Variants in CPQ observed in about 807,000 individuals in gnomAD.
CPQ encodes the protein Ser-Met dipeptidase.
A neutral mutation model predicts 45.7 loss-of-function variants in CPQ; 37 were observed. The ratio of observed to expected loss-of-function variants is 0.81; its 90% CI spans 0.62 to 1.07. CPQ has a LOEUF of 1.07. Ranked by LOEUF, CPQ falls within the 50% of genes least tolerant of loss-of-function variation. The pLI is 0.00. For synonymous variants in CPQ, 186 were observed against 205.8 expected (o/e 0.90, Z 0.82); for missense variants, 537 against 572.9 (o/e 0.94, Z 0.64).
At chr8:97,040,292 T>C (rs572158185) in intron 6 of CPQ, among the ~76,000 whole-genome samples, 26 of 152,310 alleles carry the variant, frequency 1.7e-4, no homozygotes, top group Middle Eastern at 6.8e-3. Context: ...TTTTGAGAAG[T>C]GTCTGTTCAT....
intron 3 of CPQ, 130 bp downstream of exon 3, chr8:96,835,310 C>T (rs951006773): frequency 4.7e-6 from 3 of 636,950 alleles, no homozygotes; most frequent in Non-Finnish European, 7.3e-6. Context: ...CCCCCAAACA[C>T]ACACACCCAT....
chr8:96,964,305 G>A (rs1752998753), intron 4 of CPQ, among the ~76,000 whole-genome samples: 1 of 151,774 alleles, frequency 6.6e-6, no homozygotes, highest in Non-Finnish European at 1.5e-5. Context: ...GTTTTTCCAG[G>A]TGGTTGAATG....
intron 3 of CPQ, among the ~76,000 whole-genome samples, chr8:96,850,589 TTTA>T (rs376798093): frequency 1.0e-3 from 116 of 116,182 alleles, no homozygotes; most frequent in South Asian, 5.7e-3. Context: ...TTTTATTTTA[TTTA>T]TTTATTTATT....
chr8:96,872,659 A>G (rs1812087286), intron 3 of CPQ, among the ~76,000 whole-genome samples: 1 of 151,900 alleles, frequency 6.6e-6, no homozygotes, highest in Non-Finnish European at 1.5e-5. Flanking sequence ...TGGTGGTTGT[A>G]TTAGTCAGGA....
intron 4 of CPQ, among the ~76,000 whole-genome samples, chr8:96,955,963 G>A (rs1813350475): frequency 6.6e-6 from 1 of 152,104 alleles, no homozygotes; most frequent in South Asian, 2.1e-4. Context: ...CATAGGCATG[G>A]GCAAGGACTT....
intron 5 of CPQ, among the ~76,000 whole-genome samples, chr8:96,983,937 G>T (rs1344656459): frequency 6.6e-6 from 1 of 151,546 alleles, no homozygotes; most frequent in African/African-American, 2.4e-5. Flanking sequence ...TAACAGGGAA[G>T]TTTGTCATGT....
At chr8:96,754,088 G>A (rs1810297941) in intron 1 of CPQ, among the ~76,000 whole-genome samples, 1 of 151,912 alleles carries the variant, frequency 6.6e-6, no homozygotes, top group South Asian at 2.1e-4. Context: ...CTGGGTTATT[G>A]TTTTAATATA....
intron 7 of CPQ, among the ~76,000 whole-genome samples, chr8:97,086,317 A>T (rs184769253): frequency 1.6e-3 from 249 of 152,326 alleles, no homozygotes; most frequent in Non-Finnish European, 2.9e-3. Context: ...TATTTATTGA[A>T]GACCATAAGG....
At chr8:96,925,764 A>G (rs1468239338) in intron 4 of CPQ, among the ~76,000 whole-genome samples, 2 of 149,098 alleles carry the variant, frequency 1.3e-5, no homozygotes, top group Non-Finnish European at 3.0e-5. Flanking sequence ...ATCTCAGCTC[A>G]CTGCAACCTC....
intron 4 of CPQ, among the ~76,000 whole-genome samples, chr8:96,930,510 C>T (rs1812959240): frequency 6.6e-6 from 1 of 152,144 alleles, no homozygotes; most frequent in Non-Finnish European, 1.5e-5. Flanking sequence ...TAAATAAATA[C>T]ATATCTGGCA....
intron 5 of CPQ, among the ~76,000 whole-genome samples, chr8:96,979,361 C>G (rs1357322409): frequency 6.6e-6 from 1 of 152,270 alleles, no homozygotes; most frequent in East Asian, 1.9e-4. Context: ...GTAGGGAGAT[C>G]CCAGTTATAC....
At chr8:96,744,299 C>A (rs1810143372) in intron 1 of CPQ, among the ~76,000 whole-genome samples, 1 of 152,256 alleles carries the variant, frequency 6.6e-6, no homozygotes, top group South Asian at 2.1e-4. Context: ...ACCCCTTGTG[C>A]TTCCCGAGTG....
chr8:96,885,421 C>T (rs2130885307), intron 4 of CPQ, among the ~76,000 whole-genome samples: 1 of 152,248 alleles, frequency 6.6e-6, no homozygotes, highest in South Asian at 2.1e-4. Flanking sequence ...ATATGCAAAA[C>T]ATTGCATGGA....
intron 7 of CPQ, chr8:97,133,334 T>C (rs1177021272): frequency 1.3e-5 from 2 of 152,234 alleles, no homozygotes; most frequent in East Asian, 3.8e-4. Flanking sequence ...CCAGCCCTTA[T>C]ATTGGTGATC....
chr8:96,740,849 G>T (rs1293096859), intron 1 of CPQ, among the ~76,000 whole-genome samples: 1 of 152,294 alleles, frequency 6.6e-6, no homozygotes, highest in South Asian at 2.1e-4. Flanking sequence ...TTGAGGTGCT[G>T]CTGGATTCGG....
intron 2 of CPQ, among the ~76,000 whole-genome samples, chr8:96,810,653 A>G (rs977433181): frequency 1.1e-4 from 17 of 152,242 alleles, no homozygotes; most frequent in African/African-American, 3.9e-4. Flanking sequence ...AATGTAAACC[A>G]AACCAAACGG....
At chr8:96,792,058 G>T (rs976261552) in intron 2 of CPQ, among the ~76,000 whole-genome samples, 4 of 152,178 alleles carry the variant, frequency 2.6e-5, no homozygotes, top group Non-Finnish European at 5.9e-5. Flanking sequence ...GAATATTACA[G>T]TATGTATGTT....
rs534502326 is a variant in CPQ at position 96,691,997 on chromosome 8, A to T, written c.-35+46595A>T. Reference sequence around the variant, plus strand: ...ATTATCAAAACATACAATTACATATAATTAAATAAGACAATAATACTATTA... The same window carrying T: ...ATTATCAAAACATACAATTACATATTATTAAATAAGACAATAATACTATTA... On this transcript the variant is annotated intron_variant, in intron 1 of 7. Transcript: ENST00000220763. Among the ~76,000 whole-genome samples the T allele has an allele frequency of 4.6e-4, 70 of 152,346 alleles. 1 individual carries two copies. The highest frequency in any genetic ancestry group is 1.6e-3 in the African/African-American group (68 of 41,584).
chr8:96,792,397 G>A (rs574998408), intron 2 of CPQ, among the ~76,000 whole-genome samples: 1 of 152,276 alleles, frequency 6.6e-6, no homozygotes, highest in South Asian at 2.1e-4. Flanking sequence ...ACATAACTCT[G>A]GGTCTTCATG....
Sources: gnomAD v4.1 joint callset for allele counts (sites outside exome capture counted in the v4.1 genomes callset) on GRCh38, gnomAD v4.1.1 for gene constraint, MANE v1.5 for transcripts, NCBI Gene and HGNC (gene_info 2026-07-23, HGNC 2026-07-21) for gene names.